Variants in KIT observed in about 807,000 individuals in gnomAD.
KIT encodes the protein mast/stem cell growth factor receptor Kit.
Under a neutral mutation model 105.7 loss-of-function variants are expected in KIT, and 16 were observed. The observed-to-expected ratio is 0.15, with a 90% CI of 0.10 to 0.23. KIT has a LOEUF of 0.23. KIT is among the 10% of genes least tolerant of loss of function. The pLI, the probability that KIT is intolerant of heterozygous loss-of-function variation, is 1.00. For synonymous variants in KIT, 438 were observed against 441.1 expected (o/e 0.99, Z 0.09); for missense variants, 858 against 1,213.8 (o/e 0.71, Z 4.36).
chr4:54,694,572 G>A (rs532478332), intron 1 of KIT, among the ~76,000 whole-genome samples: 33 of 152,174 alleles, frequency 2.2e-4, no homozygotes, highest in Middle Eastern at 3.4e-3. Flanking sequence ...CGGTGGGGGC[G>A]TCTCACTGCG....
At chr4:54,735,366 CA>C (rs60429188) in intron 17 of KIT, among the ~76,000 whole-genome samples, 23,011 of 85,994 alleles carry the variant, frequency 0.27, 2,583 homozygotes, top group African/African-American at 0.46. Flanking sequence ...ACTTTAACAC[CA>C]AAAAAAAAAA....
chr4:54,685,122 A>C (rs1467842586), intron 1 of KIT, among the ~76,000 whole-genome samples: 1 of 152,008 alleles, frequency 6.6e-6, no homozygotes, highest in Non-Finnish European at 1.5e-5. Flanking sequence ...TGTCATCTCT[A>C]TCCTACTTCA....
Position 54,669,391 on chromosome 4 carries a change from T to G in KIT, c.67+11310T>G, listed in dbSNP as rs571045903. Among the ~76,000 whole-genome samples, 73 of 152,374 alleles carry G rather than the reference T, an allele frequency of 4.8e-4. 1 individual carries two copies. Among genetic ancestry groups the G allele is most frequent in the African/African-American group, 1.7e-3 (70 of 41,582 alleles). On this transcript the variant is annotated intron_variant, in intron 1 of 20. Coordinates refer to ENST00000288135, the MANE Select transcript of KIT (RefSeq NM_000222.3). ...AAAGAGTCTGGCCCAGAGCATTGTG[T>G]GTGCCTGCGAGTGAGGTGGGTCCCC...
At chr4:54,673,770 T>C (rs1718276806) in intron 1 of KIT, among the ~76,000 whole-genome samples, 1 of 152,244 alleles carries the variant, frequency 6.6e-6, no homozygotes, top group African/African-American at 2.4e-5. Flanking sequence ...AGGGCCAGTG[T>C]AGATTTCCTA....
chr4:54,684,197 G>GGTGCA (rs1461934919), intron 1 of KIT, among the ~76,000 whole-genome samples: 1 of 149,874 alleles, frequency 6.7e-6, no homozygotes, highest in East Asian at 2.0e-4. Flanking sequence ...GGGGTGGGGT[G>GGTGCA]GTGCAGCCTG....
chr4:54,661,040 T>C (rs1414464682), intron 1 of KIT, among the ~76,000 whole-genome samples: 1 of 152,180 alleles, frequency 6.6e-6, no homozygotes, highest in East Asian at 1.9e-4. Flanking sequence ...CTGTGGTATG[T>C]TGGCTTAGTT....
intron 7 of KIT, among the ~76,000 whole-genome samples, chr4:54,717,271 C>G (rs999439955): frequency 6.6e-6 from 1 of 152,164 alleles, no homozygotes; most frequent in East Asian, 1.9e-4. Context: ...AGATGTAGCT[C>G]TGAACTAAGC....
Position 54,715,258 on chromosome 4 carries a change from G to A in KIT, c.1231+5719G>A, listed in dbSNP as rs1437581598. 5.3e-5 allele frequency among the ~76,000 whole-genome samples: 8 copies of A among 151,706 alleles called. No homozygotes were observed. In the East Asian group the frequency reaches 1.6e-3, roughly 30 times the overall value. On this transcript the variant is annotated intron_variant, in intron 7 of 20. Coordinates refer to ENST00000288135, the MANE Select transcript of KIT (RefSeq NM_000222.3). ...CAGTTAAATCCAGTTATGGATGGTG[G>A]AACCAATTCTAGGGAGAAGCTCCTG...
chr4:54,662,045 A>AT (rs927711721), intron 1 of KIT, among the ~76,000 whole-genome samples: 12 of 152,162 alleles, frequency 7.9e-5, no homozygotes, highest in Admixed American at 2.0e-4. Context: ...CAATCTAGAG[A>AT]TTTTTTTTAA....
At chr4:54,659,933 C>G (rs143160426) in intron 1 of KIT, among the ~76,000 whole-genome samples, 8 of 152,216 alleles carry the variant, frequency 5.3e-5, no homozygotes, top group African/African-American at 1.9e-4. Flanking sequence ...CCTGGGTTCT[C>G]GGTTTCTCTG....
chr4:54,733,418 C>A, intron 17 of KIT: 1 of 469,302 alleles, frequency 2.1e-6, no homozygotes, highest in Non-Finnish European at 3.9e-6. Context: ...AATTTTGGGG[C>A]ATGTGAAGGA....
chr4:54,695,729 C>T lies in KIT; in HGVS notation c.285C>T (p.Tyr95=), dbSNP rs779113666. ...EKAEATNTGK[Y]TCTNKHGLSN... ...CAGAAGCCACCAACACCGGCAAATA[C>T]ACGTGCACCAACAAACACGGCTTAA... is the stretch of plus-strand genomic sequence containing the variant. The change falls in exon 2 of 21, where the codon TAC becomes TAT. Residue 95 remains tyrosine, a synonymous_variant. Coordinates refer to ENST00000288135, the MANE Select transcript of KIT (RefSeq NM_000222.3). 3.1e-6 allele frequency: 5 copies of T among 1,614,244 alleles called. No individual in the cohort carries two copies. Among genetic ancestry groups the T allele is most frequent in the Non-Finnish European group, 4.2e-6 (5 of 1,180,048 alleles).
rs1331244147 is a variant in KIT at position 54,707,720 on chromosome 4, T to C, written c.1115+433T>C. 4.6e-5 allele frequency among the ~76,000 whole-genome samples: 7 copies of C among 152,366 alleles called. No individual in the cohort carries two copies. The South Asian group carries it at 1.2e-3, about 27-fold the overall frequency. The stretch of plus-strand genomic sequence containing the variant: ...GTTCTTTTACACTAGACCTCTCATT[T>C]GATCCTCAAAACATTATAGTAAAAA... On this transcript the variant is annotated intron_variant, in intron 6 of 20. Coordinates refer to ENST00000288135, the MANE Select transcript of KIT (RefSeq NM_000222.3).
chr4:54,681,627 G>A (rs1263694732), intron 1 of KIT, among the ~76,000 whole-genome samples: 1 of 152,150 alleles, frequency 6.6e-6, no homozygotes, highest in African/African-American at 2.4e-5. Context: ...GCTGAGAAAG[G>A]TCCGTCTTTG....
rs1722972972 is a variant in KIT at position 54,737,254 on chromosome 4, A to C, written c.2776A>C (p.Lys926Gln). Residue 926 changes from lysine to glutamine, a missense_variant, in exon 20 of 21, where the codon AAG (lysine) becomes CAG (glutamine). Transcript: ENST00000288135. ...CAAGCAAATTGTTCAGCTAATTGAGAAGCAGATTTCAGAGAGCACCAATCA... is the reference window on the plus strand; with the variant it reads ...CAAGCAAATTGTTCAGCTAATTGAGCAGCAGATTTCAGAGAGCACCAATCA... Reference protein sequence around the residue: ...TFKQIVQLIEKQISESTNHIY... With the variant: ...TFKQIVQLIEQQISESTNHIY... 1.2e-6 allele frequency: 2 copies of C among 1,613,330 alleles called. No individual in the cohort carries two copies. Among genetic ancestry groups the C allele is most frequent in the Non-Finnish European group, 8.5e-7 (1 of 1,179,284 alleles).
intron 17 of KIT, 88 bp from the exon 18 acceptor site, chr4:54,736,410 C>CA: frequency 9.8e-7 from 1 of 1,020,018 alleles, no homozygotes; most frequent in South Asian, 1.3e-5. Context: ...CACATTTCAG[C>CA]AACAGCAGCA....
At chr4:54,688,879 A>G (rs1719502247) in intron 1 of KIT, among the ~76,000 whole-genome samples, 1 of 152,206 alleles carries the variant, frequency 6.6e-6, no homozygotes, top group South Asian at 2.1e-4. Context: ...AATAGGCCTA[A>G]TGGACAGCTA....
chr4:54,719,972 G>A (rs1336189187), intron 7 of KIT, among the ~76,000 whole-genome samples: 1 of 152,082 alleles, frequency 6.6e-6, no homozygotes, highest in Non-Finnish European at 1.5e-5. Flanking sequence ...GCTGGACCGA[G>A]GTGAGGCAAG....
intron 7 of KIT, among the ~76,000 whole-genome samples, chr4:54,715,382 A>C (rs1721419867): frequency 6.6e-6 from 1 of 151,646 alleles, no homozygotes; most frequent in African/African-American, 2.4e-5. Flanking sequence ...AAAAAAAAAA[A>C]AAAATGCCCG....
Sources: allele counts gnomAD v4.1 joint callset (sites outside exome capture counted in the v4.1 genomes callset), GRCh38; gene constraint gnomAD v4.1.1; transcripts MANE v1.5; gene names NCBI Gene and HGNC (gene_info 2026-07-23, HGNC 2026-07-21).